The following SH3PXD2A variants were observed in gnomAD, a reference collection of about 807,000 sequenced individuals.
SH3PXD2A encodes SH3 and PX domains 2A.
Under a neutral mutation model 115.2 loss-of-function variants are expected in SH3PXD2A, and 32 were observed. That is an observed-to-expected ratio of 0.28 (90% CI 0.21 to 0.37). The LOEUF is 0.37. Among genes scored for constraint, SH3PXD2A ranks in the 10% least tolerant of loss-of-function variants. The pLI, the probability that SH3PXD2A is intolerant of heterozygous loss-of-function variation, is 1.00. For missense variants in SH3PXD2A, 1,328 were observed against 1,498.7 expected, an observed-to-expected ratio of 0.89 and a Z score of 1.88; for synonymous variants, 610 against 629.1, an observed-to-expected ratio of 0.97 and a Z score of 0.45.
Position 103,756,339 on chromosome 10 carries a change from G to A in SH3PXD2A, c.229+10755C>T, listed in dbSNP as rs1037975852. Among the ~76,000 whole-genome samples, 6 of 152,184 alleles carry A rather than the reference G, an allele frequency of 3.9e-5. 1 individual carries two copies. In the East Asian group the frequency reaches 7.7e-4, roughly 20 times the overall value. ...AGTGACCCAGGAGGGCAGTGTGCGG[G>A]ATTAGGCCAGGGACACTGTGGGAGT... On this transcript the variant is annotated intron_variant, in intron 3 of 14. Transcript: ENST00000369774. This position sits in a 1 kb window ranked among gnomAD's most constrained non-coding sequence, Gnocchi z 4.4.
In SH3PXD2A at chr10:103,595,299, T is replaced by A. The variant is rs1165636482; in HGVS notation, c.*6517A>T. 6.6e-6 allele frequency: 1 copy of A among 152,212 alleles called. No homozygotes were observed. Among genetic ancestry groups the A allele is most frequent in the African/African-American group, 2.4e-5 (1 of 41,446 alleles). 9.4% of individuals were successfully genotyped at this position (152,212 alleles called of 1,614,324 possible). On this transcript the variant is annotated 3_prime_UTR_variant, in exon 15 of 15. Transcript: ENST00000369774. ...TTGGGTGTTAAATCACTAAATTCCC[T>A]TTCTACCTGCTCTCTTCTTCCTGAA...
chr10:103,636,565 G>A (rs921678830), intron 8 of SH3PXD2A, among the ~76,000 whole-genome samples: 1 of 152,150 alleles, frequency 6.6e-6, no homozygotes, highest in African/African-American at 2.4e-5. Flanking sequence ...GCCTGACTGA[G>A]GGCGGCAGGA....
At chr10:103,681,168 G>C (rs911534904) in intron 6 of SH3PXD2A, among the ~76,000 whole-genome samples, 9 of 152,216 alleles carry the variant, frequency 5.9e-5, no homozygotes, top group Admixed American at 1.3e-4. Context: ...GTCAGGGCTG[G>C]GTAGGCCCCT....
intron 6 of SH3PXD2A, among the ~76,000 whole-genome samples, chr10:103,683,181 G>A (rs1258557957): frequency 2.0e-5 from 3 of 151,854 alleles, no homozygotes; most frequent in East Asian, 1.9e-4. Flanking sequence ...GCAACAAAGC[G>A]AGACCCTGTT....
At chr10:103,657,701 A>T (rs2037231742) in intron 8 of SH3PXD2A, among the ~76,000 whole-genome samples, 1 of 152,230 alleles carries the variant, frequency 6.6e-6, no homozygotes, top group African/African-American at 2.4e-5. Context: ...GTTTGTCCTC[A>T]GTCCTAGGTA....
chr10:103,822,158 C>T (rs1458313558), intron 1 of SH3PXD2A, among the ~76,000 whole-genome samples: 8 of 152,126 alleles, frequency 5.3e-5, no homozygotes, highest in African/African-American at 1.9e-4. Flanking sequence ...CCCGAAGTGC[C>T]GAGATTACAG....
chr10:103,611,515 G>A, intron 13 of SH3PXD2A, 66 bp downstream of exon 13: 1 of 1,402,070 alleles, frequency 7.1e-7, no homozygotes, highest in Non-Finnish European at 1.0e-6. Context: ...ATAGCCAATT[G>A]ATCGGGTGGC....
At position 103,671,182 on chromosome 10, in the gene SH3PXD2A, T is replaced by C. The variant is rs578228610; in HGVS notation, c.428-2530A>G. On this transcript the variant is annotated intron_variant, in intron 6 of 14. Transcript: ENST00000369774. ...GAGAACCCAAGAAGACCTGCTTTGC[T>C]GGACAGGTGCTTGCAAAGGGCCAGA... 3.3e-5 allele frequency among the ~76,000 whole-genome samples: 5 copies of C among 152,358 alleles called. No homozygotes were observed. In the East Asian group the frequency reaches 9.6e-4, roughly 29 times the overall value.
chr10:103,603,118 G>A lies in SH3PXD2A; in HGVS notation c.2100C>T (p.Cys700=), dbSNP rs2036245367. ...FSSSITINTT[C]CSSSSSSSSS... is the part of the protein sequence containing the mutation. ...AGGAGGAGGAGGAAGAGGAGGAGCA[G>A]CAAGTGGTGTTGATGGTGATGGATG... Residue 700 remains cysteine (C), a synonymous_variant, in exon 15 of 15, where the codon TGC becomes TGT. Coordinates refer to ENST00000369774, the MANE Select transcript of SH3PXD2A (RefSeq NM_001394015.1). The A allele has an allele frequency of 6.2e-7, 1 of 1,613,072 alleles. No homozygotes were observed. The highest frequency in any genetic ancestry group is 8.5e-7 in the Non-Finnish European group (1 of 1,179,990).
At chr10:103,838,911 AAG>A (rs1378776852) in intron 1 of SH3PXD2A, among the ~76,000 whole-genome samples, 1 of 152,220 alleles carries the variant, frequency 6.6e-6, no homozygotes, top group East Asian at 1.9e-4. Context: ...CAAAGACAGC[AAG>A]AGTTTCCCAG....
intron 8 of SH3PXD2A, among the ~76,000 whole-genome samples, chr10:103,646,523 G>C (rs2037039079): frequency 6.6e-6 from 1 of 152,156 alleles, no homozygotes; most frequent in African/African-American, 2.4e-5. Context: ...ACACTGACCT[G>C]TCAATCTCTG....
At chr10:103,844,576 C>T (rs1464389291) in intron 1 of SH3PXD2A, among the ~76,000 whole-genome samples, 2 of 152,228 alleles carry the variant, frequency 1.3e-5, no homozygotes, top group East Asian at 1.9e-4. Flanking sequence ...CCATGAGGAG[C>T]ACCTTCTCAC....
At chr10:103,606,108 GCTTT>G (rs1401757924) in intron 13 of SH3PXD2A, among the ~76,000 whole-genome samples, 191 bp from the exon 14 acceptor site, 3 of 152,034 alleles carry the variant, frequency 2.0e-5, no homozygotes, top group African/African-American at 7.2e-5. Context: ...CTCTGATGAG[GCTTT>G]CTAATAATAC....
At chr10:103,694,011 C>A (rs572725132) in intron 5 of SH3PXD2A, among the ~76,000 whole-genome samples, 1 of 152,306 alleles carries the variant, frequency 6.6e-6, no homozygotes, top group Admixed American at 6.5e-5. Flanking sequence ...CCTTCCTTAT[C>A]TCCCCACTCC....
rs372408078 is a variant in SH3PXD2A at position 103,724,361 on chromosome 10, C to T, written c.307G>A (p.Ala103Thr). Reference sequence around the variant, plus strand: ...ATGTGGGGGGGCAGCCGGACAAGTGCCTGTGGAGAGACAGGAAGAAAGGGC... The same window carrying T: ...ATGTGGGGGGGCAGCCGGACAAGTGTCTGTGGAGAGACAGGAAGAAAGGGC... ...RLKPIDEYCR[A>T]LVRLPPHISQ... Residue 103 changes from alanine to threonine, a missense_variant and splice_region_variant, in exon 5 of 15, where the codon GCA becomes ACA. Physicochemically the swap from Ala to Thr is moderately conservative, Grantham distance 58 (BLOSUM62 0). Transcript: ENST00000369774. 4.3e-5 allele frequency: 68 copies of T among 1,570,408 alleles called. No homozygotes were observed. The highest frequency in any genetic ancestry group is 5.9e-5 in the Non-Finnish European group (68 of 1,160,196).
intron 14 of SH3PXD2A, among the ~76,000 whole-genome samples, chr10:103,604,482 C>T (rs568539191): frequency 2.6e-5 from 4 of 152,274 alleles, no homozygotes; most frequent in East Asian, 1.9e-4. Context: ...GGAGATCAAC[C>T]AATGGCCAAA....
chr10:103,777,988 T>C (rs2093355), intron 2 of SH3PXD2A, among the ~76,000 whole-genome samples: 11,067 of 152,166 alleles, frequency 0.073, 1,078 homozygotes, highest in East Asian at 0.29. Context: ...TACTCATCTG[T>C]AAAATAGGAC....
At chr10:103,793,377 C>T (rs911986573) in intron 2 of SH3PXD2A, among the ~76,000 whole-genome samples, 2 of 152,010 alleles carry the variant, frequency 1.3e-5, no homozygotes, top group Admixed American at 1.3e-4. Context: ...TGTTTTGAAA[C>T]TTGCATTGTT....
At chr10:103,618,183 C>T (rs995551802) in intron 10 of SH3PXD2A, among the ~76,000 whole-genome samples, 3 of 152,204 alleles carry the variant, frequency 2.0e-5, no homozygotes, top group Non-Finnish European at 4.4e-5. Context: ...TGTAGACTCT[C>T]AGGAAGGCTT....
Sources: allele counts gnomAD v4.1 joint callset (sites outside exome capture counted in the v4.1 genomes callset), GRCh38; gene constraint gnomAD v4.1.1; non-coding constraint Gnocchi (gnomAD v3.1); transcripts MANE v1.5; gene names NCBI Gene and HGNC (gene_info 2026-07-23, HGNC 2026-07-21).